INS: variants seen among roughly 807,000 people sequenced by gnomAD.
INS encodes preproinsulin.
INS carries 6 observed loss-of-function variants against 10.5 expected under a neutral mutation model. The ratio of observed to expected loss-of-function variants is 0.57; its 90% CI spans 0.31 to 1.13. INS has a LOEUF of 1.13. Ranked by LOEUF, INS falls within the 50% of genes most tolerant of loss-of-function variation. The pLI is 0.05. For synonymous variants in INS, 71 were observed against 62.7 expected, an observed-to-expected ratio of 1.13 and a Z score of -0.63; for missense variants, 109 against 138.6, an observed-to-expected ratio of 0.79 and a Z score of 1.07.
intron 1 of INS, 34 bp from the exon 2 acceptor site, chr11:2,161,022 G>T (rs552050179): frequency 6.3e-7 from 1 of 1,598,332 alleles, no homozygotes; most frequent in South Asian, 1.1e-5. Context: ...CAGGCTGAAG[G>T]CCAGGTGCCC....
At chr11:2,160,423 G>A (rs1845860621) in intron 2 of INS, among the ~76,000 whole-genome samples, 1 of 152,234 alleles carries the variant, frequency 6.6e-6, no homozygotes, top group South Asian at 2.1e-4. Flanking sequence ...GGGGCACCCT[G>A]TGACCCCAGG....
intron 2 of INS, among the ~76,000 whole-genome samples, chr11:2,160,527 T>C (rs529598761): frequency 6.6e-6 from 1 of 151,662 alleles, no homozygotes; most frequent in African/African-American, 2.4e-5. Flanking sequence ...GAGGGGCGAG[T>C]GGAGGGAGGA....
rs776300587 is a variant in INS at position 2,160,738 on chromosome 11, G to A, written c.187+47C>T. On this transcript the variant is annotated intron_variant, in intron 2 of 2. Coordinates refer to ENST00000381330, the MANE Select transcript of INS (RefSeq NM_000207.3). ...ATGCTGGGTGGGAGCGCCAGGAGCA[G>A]GGGGTGGCTGGGGGCGGCCAGGGGC... 10 of 1,601,306 alleles carry A rather than the reference G, an allele frequency of 6.2e-6. No individual in the cohort carries two copies. In the Admixed American group the frequency reaches 1.5e-4, roughly 24 times the overall value.
At chr11:2,160,724 G>A in intron 2 of INS, 61 bp downstream of exon 2, 1 of 1,594,164 alleles carries the variant, frequency 6.3e-7, no homozygotes, top group Non-Finnish European at 8.6e-7. Context: ...TGCTGGGTGG[G>A]AGCGCCAGGA....
intron 2 of INS, among the ~76,000 whole-genome samples, chr11:2,160,239 G>A (rs1845853960): frequency 1.3e-5 from 2 of 152,204 alleles, no homozygotes; most frequent in African/African-American, 4.8e-5. Context: ...CGTCACAGTG[G>A]GAGCCTGAAC....
chr11:2,161,012 C>T, intron 1 of INS, 24 bp from the exon 2 acceptor site: 1 of 1,604,904 alleles, frequency 6.2e-7, no homozygotes, highest in Non-Finnish European at 8.5e-7. Flanking sequence ...AGGGCTGAGG[C>T]AGGCTGAAGG....
intron 2 of INS, 41 bp downstream of exon 2, chr11:2,160,744 G>A (rs759000252): frequency 2.6e-5 from 41 of 1,602,888 alleles, no homozygotes; most frequent in Non-Finnish European, 3.3e-5. Flanking sequence ...AGCAGGGGGT[G>A]GCTGGGGGCG....
chr11:2,161,097 A>T (rs1327694656), intron 1 of INS, 71 bp downstream of exon 1: 9 of 1,363,954 alleles, frequency 6.6e-6, no homozygotes. Context: ...TCCCTGCTGC[A>T]GAGCTGGGGC....
At chr11:2,161,137 C>A in intron 1 of INS, 31 bp downstream of exon 1, 1 of 937,222 alleles carries the variant, frequency 1.1e-6, no homozygotes, top group South Asian at 1.7e-5. Flanking sequence ...GAATCCTGAG[C>A]CCACCTGACG....
chr11:2,161,199 C>G lies in INS; in HGVS notation c.-49G>C, dbSNP rs1845889177. ...GATGGCCTCTTCTGATGCAGCCTGT[C>G]CTGGAGGGCTGAGGGCTGCTGGGCC... On this transcript the variant is annotated 5_prime_UTR_variant, in exon 1 of 3. Coordinates refer to ENST00000381330, the MANE Select transcript of INS (RefSeq NM_000207.3). 3.3e-6 allele frequency: 2 copies of G among 611,768 alleles called. No homozygotes were observed. The highest frequency in any genetic ancestry group is 6.0e-5 in the Admixed American group (2 of 33,072). 37.9% of individuals were successfully genotyped at this position (611,768 alleles called of 1,614,324 possible).
chr11:2,160,082 G>T, intron 2 of INS, 85 bp from the exon 3 acceptor site: 1 of 1,374,166 alleles, frequency 7.3e-7, no homozygotes, highest in Non-Finnish European at 1.0e-6. Flanking sequence ...GAGACACAGT[G>T]CCCGCCTGCC....
chr11:2,160,167 G>T (rs1047650908), intron 2 of INS, among the ~76,000 whole-genome samples, 170 bp from the exon 3 acceptor site: 3 of 152,154 alleles, frequency 2.0e-5, no homozygotes, highest in Non-Finnish European at 4.4e-5. Context: ...CACCCACACT[G>T]GGTGTGGACC....
rs565314634 is a variant in INS, at chr11:2,160,093, C to T, written c.188-96G>A. 4.3e-4 allele frequency: 577 copies of T among 1,348,130 alleles called. No homozygotes were observed. The highest frequency in any genetic ancestry group is 5.4e-4 in the Non-Finnish European group (527 of 977,978). The allele number at this position is 1,348,130 out of a possible 1,614,324, so 83.5% of individuals were successfully genotyped here. On this transcript the variant is annotated intron_variant, in intron 2 of 2. Coordinates refer to ENST00000381330, the MANE Select transcript of INS (RefSeq NM_000207.3). ...CAGGGAGACACAGTGCCCGCCTGCCCGCCAGCCCTAGGTCGCACTCCCACC... is the reference window on the plus strand; with the variant it reads ...CAGGGAGACACAGTGCCCGCCTGCCTGCCAGCCCTAGGTCGCACTCCCACC...
chr11:2,161,005 G>C lies in INS; in HGVS notation c.-17-17C>G. 6.2e-7 allele frequency: 1 copy of C among 1,606,024 alleles called. No homozygotes were observed. Among genetic ancestry groups the C allele is most frequent in the Non-Finnish European group, 8.5e-7 (1 of 1,177,796 alleles). ...GACAGTGATCTGGGAGACAGGCAGG[G>C]CTGAGGCAGGCTGAAGGCCAGGTGC... On this transcript the variant is annotated splice_polypyrimidine_tract_variant and intron_variant, in intron 1 of 2. Coordinates refer to ENST00000381330, the MANE Select transcript of INS (RefSeq NM_000207.3).
Position 2,160,823 on chromosome 11 carries a change from TAGA to T in INS, c.146_148del (p.Phe49del), listed in dbSNP as rs1376385292. 1 of 1,612,560 alleles carries T rather than the reference TAGA, an allele frequency of 6.2e-7. No homozygotes were observed. The highest frequency in any genetic ancestry group is 8.5e-7 in the Non-Finnish European group (1 of 1,179,780). ...TGCCTCCCGGCGGGTCTTGGGTGTG[TAGA>T]AGAAGCCTCGTTCCCCGCACACTAG... On this transcript the variant is annotated inframe_deletion, in exon 2 of 3. Transcript: ENST00000381330.
At chr11:2,160,741 G>T in intron 2 of INS, 44 bp downstream of exon 2, 3 of 1,602,274 alleles carry the variant, frequency 1.9e-6, no homozygotes, top group Non-Finnish European at 2.6e-6. Context: ...AGGAGCAGGG[G>T]GTGGCTGGGG....
chr11:2,161,041 G>A, intron 1 of INS, 53 bp from the exon 2 acceptor site: 1 of 1,568,742 alleles, frequency 6.4e-7, no homozygotes, highest in Non-Finnish European at 8.6e-7. Context: ...CCTGCCTTGG[G>A]GCCCCTGGGC....
intron 2 of INS, 131 bp from the exon 3 acceptor site, chr11:2,160,128 C>A: frequency 1.0e-6 from 1 of 964,556 alleles, no homozygotes; most frequent in Admixed American, 2.0e-5. Context: ...CCATCTCCAG[C>A]CGGGCTGGAC....
At chr11:2,160,124 C>T in intron 2 of INS, 127 bp from the exon 3 acceptor site, 1 of 1,024,804 alleles carries the variant, frequency 9.8e-7, no homozygotes, top group Non-Finnish European at 1.5e-6. Flanking sequence ...CCACCCATCT[C>T]CAGCCGGGCT....
Sources: gnomAD v4.1 joint callset for allele counts (sites outside exome capture counted in the v4.1 genomes callset) on GRCh38, gnomAD v4.1.1 for gene constraint, MANE v1.5 for transcripts, NCBI Gene and HGNC (gene_info 2026-07-23, HGNC 2026-07-21) for gene names.